Variants in ROBO2 observed in about 807,000 individuals in gnomAD.
ROBO2 encodes roundabout homolog 2.
A neutral mutation model predicts 160.8 loss-of-function variants in ROBO2; 53 were observed. The ratio of observed to expected loss-of-function variants is 0.33; its 90% CI spans 0.26 to 0.41. ROBO2 has a LOEUF of 0.41. Among genes scored for constraint, ROBO2 ranks in the 10% least tolerant of loss-of-function variants. The probability of loss-of-function intolerance (pLI) is 1.00; values close to 1 mark genes in which losing one functional copy is unlikely to be tolerated. For synonymous variants in ROBO2, 664 were observed against 611.7 expected (o/e 1.09, Z -1.26); for missense variants, 1,577 against 1,722.4 (o/e 0.92, Z 1.49).
At chr3:76,178,780 A>G (rs141852045) in intron 2 of ROBO2, among the ~76,000 whole-genome samples, 2,887 of 152,134 alleles carry the variant, frequency 0.019, 113 homozygotes, top group African/African-American at 0.065. Context: ...TGTCTCTACT[A>G]AAAGTACAAA....
At chr3:76,750,817 C>G (rs1158590396) in intron 2 of ROBO2, among the ~76,000 whole-genome samples, 1 of 152,106 alleles carries the variant, frequency 6.6e-6, no homozygotes, top group Non-Finnish European at 1.5e-5. Flanking sequence ...AATGGAAGAA[C>G]ATTCCATGCT....
At position 76,346,809 on chromosome 3, in the gene ROBO2, A is replaced by G. The variant is rs1346789505; in HGVS notation, c.109+409207A>G. 2.0e-5 allele frequency among the ~76,000 whole-genome samples: 3 copies of G among 152,218 alleles called. No individual in the cohort carries two copies. In the East Asian group the frequency reaches 5.8e-4, roughly 29 times the overall value. On this transcript the variant is annotated intron_variant, in intron 2 of 26. Transcript: ENST00000487694. ...TCTCTTCAGCAAAACTTTGCCTGAT[A>G]TACTCACTGAGTGACAACATGAAAG...
intron 2 of ROBO2, among the ~76,000 whole-genome samples, chr3:76,643,632 C>T (rs950806215): frequency 3.3e-5 from 5 of 150,632 alleles, no homozygotes; most frequent in African/African-American, 9.8e-5. Flanking sequence ...TTATTTTGTG[C>T]TTTGTTTTAG....
At chr3:76,811,838 TTTCC>T (rs59218956) in intron 2 of ROBO2, among the ~76,000 whole-genome samples, 5,062 of 32,414 alleles carry the variant, frequency 0.16, 732 homozygotes, top group Middle Eastern at 0.21. Context: ...TCCTTCCTTC[TTTCC>T]TTCCTTCCTT....
chr3:76,577,084 ATC>A (rs1159399449), intron 2 of ROBO2, among the ~76,000 whole-genome samples: 1 of 152,080 alleles, frequency 6.6e-6, no homozygotes, highest in Non-Finnish European at 1.5e-5. Flanking sequence ...ATTGGGGCAG[ATC>A]TCTCCTGGCT....
At position 77,550,876 on chromosome 3, in the gene ROBO2, C is replaced by A. The variant is rs758340133; in HGVS notation, c.1118C>A (p.Thr373Asn). The stretch of plus-strand genomic sequence containing the variant: ...AACAGTAGATGCTCAGTGTCACCAA[C>A]TGGAGACCTCACAATCACCAACATT... The change falls in exon 8 of 26, where the codon ACT (threonine) becomes AAT (asparagine). Residue 373 changes from threonine to asparagine, a missense_variant. Coordinates refer to ENST00000461745, the Ensembl canonical transcript of ROBO2. 13 of 1,613,012 alleles carry A rather than the reference C, an allele frequency of 8.1e-6. No individual in the cohort carries two copies. Among genetic ancestry groups the A allele is most frequent in the African/African-American group, 4.0e-5 (3 of 74,842 alleles).
At chr3:76,329,558 T>G (rs749706135) in intron 2 of ROBO2, among the ~76,000 whole-genome samples, 1 of 152,296 alleles carries the variant, frequency 6.6e-6, no homozygotes, top group South Asian at 2.1e-4. Flanking sequence ...AGAATTTCCT[T>G]CCGCTGGGGA....
chr3:76,866,881 G>C (rs569323799), intron 2 of ROBO2, among the ~76,000 whole-genome samples: 1 of 152,132 alleles, frequency 6.6e-6, no homozygotes, highest in East Asian at 1.9e-4. Flanking sequence ...CTACCTCCCA[G>C]TCCCCTGGGA....
intron 2 of ROBO2, among the ~76,000 whole-genome samples, chr3:76,102,383 A>G (rs926557742): frequency 1.3e-5 from 2 of 152,212 alleles, no homozygotes; most frequent in Admixed American, 6.5e-5. Flanking sequence ...ATTTGTGACT[A>G]TACTTCTATT....
At chr3:76,889,216 T>C (rs556528503) in intron 2 of ROBO2, among the ~76,000 whole-genome samples, 86 of 152,326 alleles carry the variant, frequency 5.6e-4, no homozygotes, top group African/African-American at 1.9e-3. Flanking sequence ...CTGACTCACT[T>C]GCTTAGTGTA....
chr3:76,031,158 GCTCT>G (rs1248660397), intron 2 of ROBO2, among the ~76,000 whole-genome samples: 3 of 152,072 alleles, frequency 2.0e-5, no homozygotes, highest in East Asian at 1.9e-4. Context: ...TCATGATTTG[GCTCT>G]CTGTTTGTTA....
intron 19 of ROBO2, among the ~76,000 whole-genome samples, chr3:77,599,070 C>A (rs776580582): frequency 6.6e-6 from 1 of 152,102 alleles, no homozygotes; most frequent in East Asian, 1.9e-4. Context: ...CCTTAATTTT[C>A]ATGATGTGAA....
At chr3:76,550,108 T>C (rs1370067150) in intron 2 of ROBO2, among the ~76,000 whole-genome samples, 1 of 152,228 alleles carries the variant, frequency 6.6e-6, no homozygotes, top group African/African-American at 2.4e-5. Context: ...CTTTACTTTT[T>C]AAATATTTTG....
At chr3:76,494,519 A>G (rs2080029084) in intron 2 of ROBO2, among the ~76,000 whole-genome samples, 3 of 152,278 alleles carry the variant, frequency 2.0e-5, no homozygotes, top group South Asian at 4.1e-4. Context: ...TTTGTACAGA[A>G]TTTTGGGGGT....
chr3:76,156,415 T>C (rs916807756), intron 2 of ROBO2, among the ~76,000 whole-genome samples: 2 of 152,196 alleles, frequency 1.3e-5, no homozygotes, highest in Non-Finnish European at 2.9e-5. Context: ...TCTGTAGATA[T>C]GTTATGGACT....
At chr3:76,255,487 A>G (rs917155665) in intron 2 of ROBO2, among the ~76,000 whole-genome samples, 3 of 152,074 alleles carry the variant, frequency 2.0e-5, no homozygotes, top group East Asian at 1.9e-4. Flanking sequence ...ACAAAACTCA[A>G]TCCTCAGGAA....
chr3:76,583,009 T>TAAA lies in ROBO2; in HGVS notation c.110-514992_110-514990dup, dbSNP rs200415109. Among the ~76,000 whole-genome samples, 38 of 133,368 alleles carry TAAA rather than the reference T, an allele frequency of 2.8e-4. 2 individuals carry two copies. The South Asian group carries it at 3.1e-3, about 11-fold the overall frequency. 87.5% of individuals were successfully genotyped at this position (133,368 alleles called of 152,430 possible). A position where few individuals can be genotyped will look rare whatever the true frequency, so the allele number is the denominator to read the frequency against. On this transcript the variant is annotated intron_variant, in intron 2 of 26. Transcript: ENST00000487694. ...ATAAAATGTTTCCTTGGTGTGTGTT[T>TAAA]AAAAAAAAAAAAAAAGCAAGAGAGA...
chr3:76,455,603 A>G (rs1191676585), intron 2 of ROBO2, among the ~76,000 whole-genome samples: 1 of 152,188 alleles, frequency 6.6e-6, no homozygotes, highest in Non-Finnish European at 1.5e-5. Context: ...GACAAAGTTT[A>G]TCTTTCCTCT....
intron 2 of ROBO2, among the ~76,000 whole-genome samples, chr3:76,946,439 G>C (rs1018256445): frequency 2.0e-5 from 3 of 151,710 alleles, no homozygotes; most frequent in African/African-American, 7.3e-5. Flanking sequence ...TTTTTTGTTT[G>C]TTTGTTTTAT....
Sources: allele counts gnomAD v4.1 joint callset (sites outside exome capture counted in the v4.1 genomes callset), GRCh38; gene constraint gnomAD v4.1.1; transcripts MANE v1.5; gene names NCBI Gene and HGNC (gene_info 2026-07-23, HGNC 2026-07-21).